The following ABCB1 variants were observed in gnomAD, a reference collection of about 807,000 sequenced individuals.
The protein encoded by ABCB1 is ATP binding cassette subfamily B member 1.
Under a neutral mutation model 142.0 loss-of-function variants are expected in ABCB1, and 69 were observed. That is an observed-to-expected ratio of 0.49 (90% confidence interval 0.40 to 0.59). The LOEUF (loss-of-function observed/expected upper bound fraction) is 0.59, where lower values mean the gene tolerates loss of function less well. ABCB1 is among the 20% of genes least tolerant of loss of function. ABCB1 has a pLI of 0.00. For synonymous variants in ABCB1, 532 were observed against 539.2 expected (o/e 0.99, Z 0.18); for missense variants, 1,326 against 1,554.7 (o/e 0.85, Z 2.47).
At chr7:87,693,836 G>A (rs2130658192) in intron 1 of ABCB1, 1 of 1,486,020 alleles carries the variant, frequency 6.7e-7, no homozygotes, top group Non-Finnish European at 9.2e-7. Flanking sequence ...GGGCTATTCA[G>A]TTTGGAACTG....
chr7:87,548,539 A>T (rs899060576), intron 14 of ABCB1, among the ~76,000 whole-genome samples: 1 of 152,146 alleles, frequency 6.6e-6, no homozygotes, highest in East Asian at 1.9e-4. Flanking sequence ...CATTGACAGG[A>T]TGTTAAGGAA....
chr7:87,626,492 ATG>A lies in ABCB1; in HGVS notation c.-330-25416_-330-25415del, dbSNP rs1351699062. ...TGTGTCATATATATGTGTCATATATATGTGTCATATATGTGTCATATATATGT... is the reference window on the plus strand; with the variant it reads ...TGTGTCATATATATGTGTCATATATATGTCATATATGTGTCATATATATGT... On this transcript the variant is annotated intron_variant, in intron 1 of 28. Transcript: ENST00000265724. Among the ~76,000 whole-genome samples the A allele has an allele frequency of 5.1e-4, 6 of 11,738 alleles. 2 individuals carry two copies. Among genetic ancestry groups the A allele is most frequent in the Admixed American group, 1.2e-3 (1 of 844 alleles). The allele number at this position is 11,738 out of a possible 152,430, so 7.7% of individuals were successfully genotyped here.
chr7:87,699,915 TTTTA>T (rs1347023062), intron 1 of ABCB1, among the ~76,000 whole-genome samples: 1 of 152,202 alleles, frequency 6.6e-6, no homozygotes, highest in African/African-American at 2.4e-5. Context: ...TGCTAATTGA[TTTTA>T]TTTATTTATA....
chr7:87,631,690 C>T (rs747420731), intron 1 of ABCB1, among the ~76,000 whole-genome samples: 3 of 152,140 alleles, frequency 2.0e-5, no homozygotes, highest in Non-Finnish European at 2.9e-5. Flanking sequence ...ACCTTGCGCC[C>T]GGCCTCTTTA....
At chr7:87,544,722 G>T in intron 16 of ABCB1, 101 bp downstream of exon 16, 1 of 1,181,802 alleles carries the variant, frequency 8.5e-7, no homozygotes, top group Non-Finnish European at 1.3e-6. Flanking sequence ...GGAGGATTCT[G>T]GATAACCTCT....
At chr7:87,508,561 A>G (rs1036990294) in intron 26 of ABCB1, among the ~76,000 whole-genome samples, 34 of 152,314 alleles carry the variant, frequency 2.2e-4, no homozygotes, top group African/African-American at 7.7e-4. Flanking sequence ...ACTTCCTAGG[A>G]GGAATTCAGA....
chr7:87,518,325 C>A (rs1815340487), intron 23 of ABCB1, among the ~76,000 whole-genome samples: 1 of 152,128 alleles, frequency 6.6e-6, no homozygotes, highest in Admixed American at 6.5e-5. Flanking sequence ...GTTGATTTTG[C>A]AAACCTAAAT....
intron 1 of ABCB1, among the ~76,000 whole-genome samples, chr7:87,696,833 T>A (rs1050397343): frequency 9.2e-5 from 14 of 152,294 alleles, no homozygotes; most frequent in East Asian, 1.9e-4. Context: ...ATCTGGGAAA[T>A]CTTTTCATTA....
chr7:87,590,997 C>T (rs1286006614), intron 3 of ABCB1, among the ~76,000 whole-genome samples: 1 of 152,152 alleles, frequency 6.6e-6, no homozygotes, highest in Non-Finnish European at 1.5e-5. Context: ...TCCCAGGAAC[C>T]TGTGAATATA....
intron 16 of ABCB1, among the ~76,000 whole-genome samples, chr7:87,544,531 T>C (rs1020605083): frequency 6.6e-6 from 1 of 152,232 alleles, no homozygotes; most frequent in Non-Finnish European, 1.5e-5. Context: ...TTTTATTTGG[T>C]ACTCAGAACC....
chr7:87,551,488 A>G (rs1205408776), intron 9 of ABCB1, among the ~76,000 whole-genome samples: 5 of 152,248 alleles, frequency 3.3e-5, no homozygotes, highest in East Asian at 1.9e-4. Context: ...AAAATAGCAT[A>G]AAATTTTTTT....
rs768507751 is a variant in ABCB1 at position 87,516,519 on chromosome 7, C to T, written c.3074G>A (p.Gly1025Asp). 3.1e-6 allele frequency: 5 copies of T among 1,614,040 alleles called. No individual in the cohort carries two copies. Residue 1025 changes from glycine (G) to aspartate (D), a missense_variant, in exon 24 of 28, where the codon GGC (glycine) becomes GAC (aspartate). Gly to Asp is a moderately conservative substitution (Grantham distance 94). Transcript: ENST00000622132. ...AAACATCAAACTCACCGGCATTAGG[C>T]CTTCCGTGCTGTAGCTGTCAATCAA... is the stretch of plus-strand genomic sequence containing the variant. Reference protein sequence around the residue: ...TPLIDSYSTEGLMPNTLEGNV... With the variant: ...TPLIDSYSTEDLMPNTLEGNV...
chr7:87,622,374 A>C (rs1029905998), intron 1 of ABCB1, among the ~76,000 whole-genome samples: 2 of 152,208 alleles, frequency 1.3e-5, no homozygotes, highest in Non-Finnish European at 2.9e-5. Context: ...AAATATCAAA[A>C]AGATATTGCT....
At chr7:87,584,231 AC>A (rs1442279108) in intron 4 of ABCB1, among the ~76,000 whole-genome samples, 12 of 152,148 alleles carry the variant, frequency 7.9e-5, no homozygotes, top group African/African-American at 2.9e-4. Context: ...GGTTCTGAGG[AC>A]CCACTGACAA....
intron 17 of ABCB1, among the ~76,000 whole-genome samples, chr7:87,543,158 G>T (rs892482728): frequency 6.6e-6 from 1 of 152,102 alleles, no homozygotes; most frequent in Admixed American, 6.5e-5. Context: ...GCCAGGCATG[G>T]TGGTGCAGGC....
At chr7:87,593,589 T>C (rs1819081289) in intron 3 of ABCB1, among the ~76,000 whole-genome samples, 1 of 152,206 alleles carries the variant, frequency 6.6e-6, no homozygotes, top group Non-Finnish European at 1.5e-5. Flanking sequence ...AACTGATAAG[T>C]ATGGCCAAAC....
At chr7:87,670,187 A>C (rs1227563893) in intron 1 of ABCB1, among the ~76,000 whole-genome samples, 1 of 151,742 alleles carries the variant, frequency 6.6e-6, no homozygotes, top group African/African-American at 2.4e-5. Context: ...CTCTTTCATT[A>C]TTTTCATCTG....
At chr7:87,573,761 T>G (rs1188206572) in intron 4 of ABCB1, among the ~76,000 whole-genome samples, 1 of 152,166 alleles carries the variant, frequency 6.6e-6, no homozygotes, top group Non-Finnish European at 1.5e-5. Flanking sequence ...TTACCAGATA[T>G]TTCCTTTACC....
chr7:87,701,469 T>A (rs890758463), intron 1 of ABCB1, among the ~76,000 whole-genome samples: 3 of 152,248 alleles, frequency 2.0e-5, no homozygotes, highest in Non-Finnish European at 4.4e-5. Flanking sequence ...AATTATTTAA[T>A]GAAATGTGTC....
Sources: allele counts gnomAD v4.1 joint callset (sites outside exome capture counted in the v4.1 genomes callset), GRCh38; gene constraint gnomAD v4.1.1; transcripts MANE v1.5; gene names NCBI Gene and HGNC (gene_info 2026-07-23, HGNC 2026-07-21).